LRRC37A: variants seen among roughly 807,000 people sequenced by gnomAD.
LRRC37A encodes leucine rich repeat containing 37A.
A neutral mutation model predicts 35.4 loss-of-function variants in LRRC37A; 3 were observed. The observed-to-expected ratio is 0.08, with a 90% CI of 0.04 to 0.22. The LOEUF is 0.22. Among genes scored for constraint, LRRC37A ranks in the 10% least tolerant of loss-of-function variants. LRRC37A has a pLI of 1.00. For synonymous variants in LRRC37A, 23 were observed against 215.0 expected (o/e 0.11, Z 7.81); for missense variants, 67 against 565.3 (o/e 0.12, Z 8.94).
the LRRC37A span, chr17:46,267,296 G>A: frequency 7.8e-7 from 1 of 1,279,180 alleles, no homozygotes; most frequent in Non-Finnish European, 1.1e-6. Context: ...GAGGAACTGG[G>A]GTTCCCAAAC....
chr17:46,258,707 C>CTTTTTTTTTTTT, the LRRC37A span, among the ~76,000 whole-genome samples: 4 of 81,090 alleles, frequency 4.9e-5, no homozygotes, highest in Non-Finnish European at 9.4e-5. Context: ...GACTATTATT[C>CTTTTTTTTTTTT]TTTTTTTTTT....
At chr17:46,286,819 A>G in the LRRC37A span, among the ~76,000 whole-genome samples, 433 of 152,176 alleles carry the variant, frequency 2.8e-3, no homozygotes, top group Non-Finnish European at 4.6e-3. Context: ...TGTTCTGCAG[A>G]TACAGTACAA....
chr17:46,291,247 T>G (rs1482494582), upstream of LRRC37A, among the ~76,000 whole-genome samples: 1 of 152,238 alleles, frequency 6.6e-6, no homozygotes, highest in East Asian at 1.9e-4. Flanking sequence ...GGGTGCACAC[T>G]TTGATCCTCC....
At chr17:46,261,646 CA>C in the LRRC37A span, among the ~76,000 whole-genome samples, 1 of 151,846 alleles carries the variant, frequency 6.6e-6, no homozygotes, top group Non-Finnish European at 1.5e-5. Flanking sequence ...CGCCTGACCT[CA>C]GGTGATCTGC....
At chr17:46,267,337 G>T in the LRRC37A span, 1 of 1,520,686 alleles carries the variant, frequency 6.6e-7, no homozygotes, top group Non-Finnish European at 8.9e-7. Context: ...GAACGGGATA[G>T]TGCATGACGT....
At chr17:46,335,247 TA>T (rs1330606994) in intron 10 of LRRC37A, among the ~76,000 whole-genome samples, 4 of 40,062 alleles carry the variant, frequency 1.0e-4, no homozygotes, top group East Asian at 6.9e-4. Context: ...AAATAAAGTA[TA>T]GGGGGGATGC....
the LRRC37A span, among the ~76,000 whole-genome samples, chr17:46,269,345 C>G: frequency 3.9e-5 from 6 of 152,146 alleles, no homozygotes; most frequent in African/African-American, 1.4e-4. Flanking sequence ...ACCAGGCTGA[C>G]CAACATGGAA....
chr17:46,269,757 A>G, the LRRC37A span, among the ~76,000 whole-genome samples: 1 of 152,252 alleles, frequency 6.6e-6, no homozygotes, highest in Non-Finnish European at 1.5e-5. Context: ...TTTTTCTATT[A>G]AGACCAAGTA....
the LRRC37A span, among the ~76,000 whole-genome samples, chr17:46,262,567 C>G: frequency 6.6e-6 from 1 of 152,044 alleles, no homozygotes; most frequent in African/African-American, 2.4e-5. Context: ...TTTTGTTCAT[C>G]CTGTTGTTTG....
At chr17:46,259,015 G>A in the LRRC37A span, among the ~76,000 whole-genome samples, 3 of 61,026 alleles carry the variant, frequency 4.9e-5, no homozygotes, top group East Asian at 7.7e-4. Context: ...ACCGCACCCG[G>A]CCTATTTTTT....
chr17:46,270,411 G>C, the LRRC37A span, among the ~76,000 whole-genome samples: 1 of 152,242 alleles, frequency 6.6e-6, no homozygotes, highest in South Asian at 2.1e-4. Context: ...AAGCACTACT[G>C]AGAGATTTCT....
the LRRC37A span, among the ~76,000 whole-genome samples, chr17:46,249,716 G>T: frequency 0.13 from 19,709 of 152,024 alleles, 1 homozygote; most frequent in Middle Eastern, 0.2. Context: ...TTGGGAACCT[G>T]CAAGAATCAA....
the LRRC37A span, among the ~76,000 whole-genome samples, chr17:46,249,372 C>T: frequency 0.02 from 3,105 of 151,966 alleles, 97 homozygotes; most frequent in African/African-American, 0.064. Flanking sequence ...CCTCCACTGC[C>T]GCCTGACACA....
At chr17:46,282,336 T>A in the LRRC37A span, among the ~76,000 whole-genome samples, 6 of 151,860 alleles carry the variant, frequency 4.0e-5, no homozygotes, top group Admixed American at 3.9e-4. Context: ...ATCTCCTGAC[T>A]TCGTGATCCG....
At chr17:46,264,815 G>C in the LRRC37A span, among the ~76,000 whole-genome samples, 2 of 152,232 alleles carry the variant, frequency 1.3e-5, no homozygotes, top group African/African-American at 2.4e-5. Context: ...TTCAGGGTGT[G>C]GGTTTCAGGG....
chr17:46,258,029 T>C, the LRRC37A span, among the ~76,000 whole-genome samples: 5 of 152,140 alleles, frequency 3.3e-5, no homozygotes, highest in Non-Finnish European at 1.5e-5. Flanking sequence ...AGGTCACTCA[T>C]TGGTTGTTGG....
chr17:46,252,191 G>A, the LRRC37A span, among the ~76,000 whole-genome samples: 1 of 150,170 alleles, frequency 6.7e-6, no homozygotes, highest in Non-Finnish European at 1.5e-5. Flanking sequence ...TATTTACTGG[G>A]GTCACCATTC....
At chr17:46,264,508 G>C in the LRRC37A span, among the ~76,000 whole-genome samples, 30 of 152,346 alleles carry the variant, frequency 2.0e-4, no homozygotes, top group African/African-American at 7.2e-4. Context: ...CAAGCAACCT[G>C]ATGATAACTT....
chr17:46,258,219 C>CTTTTTTTTT, the LRRC37A span, among the ~76,000 whole-genome samples: 4 of 147,132 alleles, frequency 2.7e-5, no homozygotes, highest in Non-Finnish European at 3.0e-5. Flanking sequence ...GAAAGAGATT[C>CTTTTTTTTT]TTTTTTTTTT....
Sources: gnomAD v4.1 joint callset for allele counts (sites outside exome capture counted in the v4.1 genomes callset) on GRCh38, gnomAD v4.1.1 for gene constraint, MANE v1.5 for transcripts, NCBI Gene and HGNC (gene_info 2026-07-23, HGNC 2026-07-21) for gene names.